Variants in SLC24A2 observed in about 807,000 individuals in gnomAD.
SLC24A2 encodes solute carrier family 24 member 2.
A neutral mutation model predicts 62.0 loss-of-function variants in SLC24A2; 36 were observed. The observed-to-expected ratio is 0.58, with a 90% CI of 0.44 to 0.77. SLC24A2 has a LOEUF of 0.77. SLC24A2 is among the 30% of genes least tolerant of loss of function. The pLI, the probability that SLC24A2 is intolerant of heterozygous loss-of-function variation, is 0.00. For missense variants in SLC24A2, 846 were observed against 817.9 expected (o/e 1.03, Z -0.42); for synonymous variants, 358 against 294.0 (o/e 1.22, Z -2.23).
the SLC24A2 span, among the ~76,000 whole-genome samples, chr9:20,143,036 C>G: frequency 2.0e-5 from 3 of 152,206 alleles, no homozygotes; most frequent in African/African-American, 7.2e-5. Flanking sequence ...CAATTATAAA[C>G]TGAGGCTCAG....
At chr9:19,520,789 G>T in intron 10 of SLC24A2, 105 bp downstream of exon 10, 4 of 990,306 alleles carry the variant, frequency 4.0e-6, no homozygotes, top group South Asian at 3.9e-5. Context: ...TATTGGTATT[G>T]GTTAGTCTTA....
chr9:19,778,600 G>A (rs1587314176), intron 2 of SLC24A2, among the ~76,000 whole-genome samples: 5 of 152,148 alleles, frequency 3.3e-5, no homozygotes, highest in African/African-American at 9.7e-5. Flanking sequence ...TCGCTCATAC[G>A]GGTTTGCAGT....
At chr9:20,202,708 C>T in the SLC24A2 span, among the ~76,000 whole-genome samples, 831 of 152,032 alleles carry the variant, frequency 5.5e-3, 17 homozygotes, top group Non-Finnish European at 7.9e-3. Context: ...GGGAGAAAGG[C>T]AAGTCGGATA....
chr9:20,256,499 C>A, the SLC24A2 span, among the ~76,000 whole-genome samples: 1 of 152,124 alleles, frequency 6.6e-6, no homozygotes, highest in Admixed American at 6.5e-5. Flanking sequence ...TTTCCTCTCT[C>A]AGTTACCAAC....
the SLC24A2 span, among the ~76,000 whole-genome samples, chr9:20,204,741 AC>A: frequency 2.0e-5 from 3 of 146,808 alleles, no homozygotes; most frequent in East Asian, 5.9e-4. Context: ...AAAAAGTATA[AC>A]TTTTTTTTTT....
At chr9:19,589,399 G>A (rs1302042649) in intron 5 of SLC24A2, among the ~76,000 whole-genome samples, 1 of 152,192 alleles carries the variant, frequency 6.6e-6, no homozygotes, top group Non-Finnish European at 1.5e-5. Context: ...GTCATCTCTA[G>A]GGAATGGATG....
the SLC24A2 span, among the ~76,000 whole-genome samples, chr9:20,066,865 T>C: frequency 6.6e-6 from 1 of 152,226 alleles, no homozygotes; most frequent in Non-Finnish European, 1.5e-5. Flanking sequence ...AGGTAATGAC[T>C]TGTTTCTGTT....
the SLC24A2 span, among the ~76,000 whole-genome samples, chr9:20,099,893 G>A: frequency 6.6e-6 from 1 of 152,106 alleles, no homozygotes; most frequent in Non-Finnish European, 1.5e-5. Context: ...CCACTCATGG[G>A]AATTTCACAA....
At chr9:20,305,137 T>C in the SLC24A2 span, among the ~76,000 whole-genome samples, 1 of 141,712 alleles carries the variant, frequency 7.1e-6, no homozygotes, top group South Asian at 2.3e-4. Flanking sequence ...TGAGATGGAG[T>C]CTTGCTCTGT....
chr9:20,280,606 T>G, the SLC24A2 span, among the ~76,000 whole-genome samples: 1 of 152,190 alleles, frequency 6.6e-6, no homozygotes, highest in African/African-American at 2.4e-5. Context: ...GGTTTCGTTT[T>G]TGTTTTCATT....
At chr9:20,209,885 T>G in the SLC24A2 span, among the ~76,000 whole-genome samples, 1 of 152,212 alleles carries the variant, frequency 6.6e-6, no homozygotes, top group Non-Finnish European at 1.5e-5. Flanking sequence ...TAAGTACGCC[T>G]GAAATATGAA....
the SLC24A2 span, among the ~76,000 whole-genome samples, chr9:20,240,715 C>A: frequency 3.0e-3 from 455 of 152,142 alleles, no homozygotes; most frequent in Non-Finnish European, 5.0e-3. Context: ...GGTTTTGAGG[C>A]CCTAAGGCTA....
the SLC24A2 span, among the ~76,000 whole-genome samples, chr9:20,057,086 C>A: frequency 1.3e-5 from 2 of 152,210 alleles, no homozygotes; most frequent in South Asian, 2.1e-4. Flanking sequence ...GATTGAACCC[C>A]AAGTGGGTAT....
At chr9:20,048,327 A>G in the SLC24A2 span, among the ~76,000 whole-genome samples, 3 of 152,236 alleles carry the variant, frequency 2.0e-5, no homozygotes, top group Non-Finnish European at 4.4e-5. Context: ...TTGATAAGTC[A>G]AATGAGAAGG....
At chr9:19,613,806 C>G (rs1398579331) in intron 4 of SLC24A2, among the ~76,000 whole-genome samples, 1 of 151,420 alleles carries the variant, frequency 6.6e-6, no homozygotes, top group Non-Finnish European at 1.5e-5. Context: ...CAGAAAAGAA[C>G]TACAAACACA....
intron 8 of SLC24A2, among the ~76,000 whole-genome samples, chr9:19,530,937 C>A (rs973187134): frequency 6.6e-6 from 1 of 152,174 alleles, no homozygotes; most frequent in Non-Finnish European, 1.5e-5. Context: ...CTAGATTATA[C>A]TGACTCTTTC....
chr9:20,159,722 G>C, the SLC24A2 span, among the ~76,000 whole-genome samples: 4 of 151,444 alleles, frequency 2.6e-5, no homozygotes, highest in African/African-American at 7.3e-5. Context: ...GATAATAAAA[G>C]ATTAAGTAAA....
chr9:19,614,303 T>A (rs1817708913), intron 4 of SLC24A2, among the ~76,000 whole-genome samples: 1 of 152,224 alleles, frequency 6.6e-6, no homozygotes, highest in African/African-American at 2.4e-5. Context: ...TCATCTGCCT[T>A]AAGCAGATTC....
chr9:19,637,896 A>G (rs1488969090), intron 2 of SLC24A2, among the ~76,000 whole-genome samples: 1 of 152,218 alleles, frequency 6.6e-6, no homozygotes, highest in Non-Finnish European at 1.5e-5. Flanking sequence ...ACAATCAACC[A>G]GTGAAGTCCA....
Sources: allele counts gnomAD v4.1 joint callset (sites outside exome capture counted in the v4.1 genomes callset), GRCh38; gene constraint gnomAD v4.1.1; transcripts MANE v1.5; gene names NCBI Gene and HGNC (gene_info 2026-07-23, HGNC 2026-07-21).